CNRIP1: variants seen among roughly 807,000 people sequenced by gnomAD.
CNRIP1 encodes the protein cannabinoid receptor interacting protein 1.
A neutral mutation model predicts 15.2 loss-of-function variants in CNRIP1; 10 were observed. The ratio of observed to expected loss-of-function variants is 0.66; its 90% CI spans 0.41 to 1.12. The LOEUF is 1.12. Ranked by LOEUF, CNRIP1 falls within the 50% of genes most tolerant of loss-of-function variation. The probability of loss-of-function intolerance (pLI) is 0.00; values close to 1 mark genes in which losing one functional copy is unlikely to be tolerated. For synonymous variants in CNRIP1, 91 were observed against 83.2 expected (o/e 1.09, Z -0.51); for missense variants, 211 against 214.7 (o/e 0.98, Z 0.11).
chr2:68,284,439 A>T (rs1670977495), exon 3 of CNRIP1: 2 of 1,519,700 alleles, frequency 1.3e-6, no homozygotes, highest in Admixed American at 2.2e-5. Context: ...TATTCTTCAC[A>T]TTCATATGTA....
rs1672432548 is a variant in CNRIP1, at chr2:68,319,747, G to A, written c.-347C>T. Reference sequence around the variant, plus strand: ...CGCGCAGATCCGCGCAGCTGGGGGCGAGGGAGTTAATCCTGTTTACGCACC... The same window carrying A: ...CGCGCAGATCCGCGCAGCTGGGGGCAAGGGAGTTAATCCTGTTTACGCACC... On this transcript the variant is annotated 5_prime_UTR_variant, in exon 1 of 3. Coordinates refer to ENST00000263655, the MANE Select transcript of CNRIP1 (RefSeq NM_015463.3). The A allele has an allele frequency of 1.9e-5, 5 of 266,010 alleles. No homozygotes were observed. The highest frequency in any genetic ancestry group is 2.9e-5 in the Non-Finnish European group (4 of 138,122). 16.5% of individuals were successfully genotyped at this position (266,010 alleles called of 1,614,324 possible).
At chr2:68,295,445 G>A (rs372518374) in intron 2 of CNRIP1, among the ~76,000 whole-genome samples, 75 of 152,270 alleles carry the variant, frequency 4.9e-4, no homozygotes, top group East Asian at 1.7e-3. Context: ...ATGGCTTAAA[G>A]ACCTATATAA....
downstream of CNRIP1, among the ~76,000 whole-genome samples, chr2:68,288,430 A>T (rs1463774297): frequency 6.6e-6 from 1 of 152,136 alleles, no homozygotes; most frequent in African/African-American, 2.4e-5. Flanking sequence ...GATCTGCAGG[A>T]GAATAAGAAA....
Position 68,306,488 on chromosome 2 carries a change from T to C in CNRIP1, c.330+10669A>G, listed in dbSNP as rs148425618. On this transcript the variant is annotated intron_variant, in intron 2 of 2. Transcript: ENST00000263655. The stretch of plus-strand genomic sequence containing the variant: ...TTTTAGCTCTATCATGGTATAAAGA[T>C]TACAAATGGCGACCAGGCACAGTGG... Among the ~76,000 whole-genome samples the C allele has an allele frequency of 5.2e-3, 798 of 152,216 alleles. 7 individuals carry two copies. The highest frequency in any genetic ancestry group is 0.018 in the African/African-American group (768 of 41,522).
At chr2:68,310,777 C>A (rs6729652) in intron 2 of CNRIP1, among the ~76,000 whole-genome samples, 117,510 of 151,546 alleles carry the variant, frequency 0.78, 46,166 homozygotes, top group African/African-American at 0.91. Flanking sequence ...GATTTATTAA[C>A]TACTTCAAAC....
intron 2 of CNRIP1, among the ~76,000 whole-genome samples, chr2:68,306,064 T>C (rs1671829737): frequency 7.5e-6 from 1 of 133,280 alleles, no homozygotes; most frequent in African/African-American, 2.9e-5. Context: ...AGGTCAAGGC[T>C]GCAGTGAGCT....
downstream of CNRIP1, among the ~76,000 whole-genome samples, chr2:68,291,139 T>G (rs745762396): frequency 1.7e-4 from 26 of 152,204 alleles, no homozygotes; most frequent in Non-Finnish European, 3.5e-4. Flanking sequence ...GAACAGTATA[T>G]GCCAGGAGCG....
Position 68,293,247 on chromosome 2 carries a change from A to G in CNRIP1, c.*615T>C. ...TTGCACAATACCTTAAGCTACTTAAAAGAGTTTTAATACGTTATAAATACG... is the reference window on the plus strand; with the variant it reads ...TTGCACAATACCTTAAGCTACTTAAGAGAGTTTTAATACGTTATAAATACG... On this transcript the variant is annotated 3_prime_UTR_variant, in exon 3 of 3. Coordinates refer to ENST00000263655, the MANE Select transcript of CNRIP1 (RefSeq NM_015463.3). 2 of 985,606 alleles carry G rather than the reference A, an allele frequency of 2.0e-6. No homozygotes were observed. The highest frequency in any genetic ancestry group is 2.4e-6 in the Non-Finnish European group (2 of 830,044). 61.1% of individuals were successfully genotyped at this position (985,606 alleles called of 1,614,324 possible).
At chr2:68,306,476 A>T (rs1366156826) in intron 2 of CNRIP1, among the ~76,000 whole-genome samples, 2 of 152,136 alleles carry the variant, frequency 1.3e-5, no homozygotes, top group Non-Finnish European at 2.9e-5. Flanking sequence ...TAGCTCTATC[A>T]TGGTATAAAG....
downstream of CNRIP1, among the ~76,000 whole-genome samples, chr2:68,292,328 C>T (rs1671194997): frequency 2.0e-5 from 3 of 152,162 alleles, no homozygotes; most frequent in South Asian, 6.2e-4. Flanking sequence ...TTGCTGTTCC[C>T]TGGTGGCTGT....
intron 2 of CNRIP1, 35 bp from the exon 3 acceptor site, chr2:68,294,061 C>T: frequency 6.2e-7 from 1 of 1,603,782 alleles, no homozygotes; most frequent in Non-Finnish European, 8.5e-7. Flanking sequence ...TAAAAAACCT[C>T]ATTCTGCCAC....
rs376275866 is a variant in CNRIP1 at position 68,319,409 on chromosome 2, G to T, written c.-9C>A. 1 of 1,550,110 alleles carries T rather than the reference G, an allele frequency of 6.5e-7. No homozygotes were observed. Among genetic ancestry groups the T allele is most frequent in the Middle Eastern group, 2.3e-4 (1 of 4,308 alleles). ...CCCGGCAGGTCCCCCATGTCTGGGC[G>T]AGGGTCTGGCGCGGCGGCTCCGGGG... On this transcript the variant is annotated 5_prime_UTR_variant, in exon 1 of 3. Coordinates refer to ENST00000263655, the MANE Select transcript of CNRIP1 (RefSeq NM_015463.3).
In CNRIP1 at chr2:68,293,777, G is replaced by C. The variant is rs536757507; in HGVS notation, c.*85C>G. 1.9e-6 allele frequency: 3 copies of C among 1,546,304 alleles called. No individual in the cohort carries two copies. The highest frequency in any genetic ancestry group is 2.6e-6 in the Non-Finnish European group (3 of 1,143,082). On this transcript the variant is annotated 3_prime_UTR_variant, in exon 3 of 3. Transcript: ENST00000263655. ...ACCAGATGGGGAACAGCAATGGTGT[G>C]GCATGCCTTGTTTAAGGCCTGCGCT...
chr2:68,296,767 A>G (rs914709959), intron 2 of CNRIP1, among the ~76,000 whole-genome samples: 5 of 152,090 alleles, frequency 3.3e-5, no homozygotes, highest in African/African-American at 1.2e-4. Context: ...CCTCCTGAGT[A>G]GCTGGGATTA....
chr2:68,301,585 G>C (rs1671605845), intron 2 of CNRIP1, among the ~76,000 whole-genome samples: 1 of 152,098 alleles, frequency 6.6e-6, no homozygotes, highest in Non-Finnish European at 1.5e-5. Context: ...GTGAACAACT[G>C]TGTCCGCTAA....
At position 68,293,337 on chromosome 2, in the gene CNRIP1, CACA is replaced by C; in HGVS notation, c.*522_*524del. 2 of 986,188 alleles carry C rather than the reference CACA, an allele frequency of 2.0e-6. No individual in the cohort carries two copies. Among genetic ancestry groups the C allele is most frequent in the Non-Finnish European group, 2.4e-6 (2 of 830,406 alleles). 61.1% of individuals were successfully genotyped at this position (986,188 alleles called of 1,614,324 possible). On this transcript the variant is annotated 3_prime_UTR_variant, in exon 3 of 3. Transcript: ENST00000263655. ...AAAGAGCGGAGCTGTTTATAGGAAGCACAACATTTGAGTCCCATTCACTGCTGT... is the reference window on the plus strand; with the variant it reads ...AAAGAGCGGAGCTGTTTATAGGAAGCACATTTGAGTCCCATTCACTGCTGT...
At position 68,319,479 on chromosome 2, in the gene CNRIP1, G is replaced by T; in HGVS notation, c.-79C>A. 1 of 1,379,454 alleles carries T rather than the reference G, an allele frequency of 7.2e-7. No individual in the cohort carries two copies. The highest frequency in any genetic ancestry group is 9.5e-7 in the Non-Finnish European group (1 of 1,052,450). 85.5% of individuals were successfully genotyped at this position (1,379,454 alleles called of 1,614,324 possible). On this transcript the variant is annotated 5_prime_UTR_variant, in exon 1 of 3. Transcript: ENST00000263655. ...TGCGGCCGAGTGGCTGGAGCGCGAG[G>T]GGCGGAGAGGAAGCGCGGGGAGGGT... is the stretch of plus-strand genomic sequence containing the variant.
downstream of CNRIP1, among the ~76,000 whole-genome samples, chr2:68,290,622 C>T (rs1052254797): frequency 1.1e-4 from 17 of 152,174 alleles, no homozygotes; most frequent in African/African-American, 4.1e-4. Flanking sequence ...TCATGTTCTA[C>T]TTCCAATTTC....
At chr2:68,291,878 CAAAAAA>C (rs527648471), downstream of CNRIP1, among the ~76,000 whole-genome samples, 1 of 85,056 alleles carries the variant, frequency 1.2e-5, no homozygotes. Context: ...GACTCCATCT[CAAAAAA>C]AAAAAAAAAA....
Sources: allele counts gnomAD v4.1 joint callset (sites outside exome capture counted in the v4.1 genomes callset), GRCh38; gene constraint gnomAD v4.1.1; transcripts MANE v1.5; gene names NCBI Gene and HGNC (gene_info 2026-07-23, HGNC 2026-07-21).